CCER2: variants seen among roughly 807,000 people sequenced by gnomAD.
CCER2 encodes coiled-coil glutamate rich protein 2, also known as coiled-coil domain-containing glutamate-rich protein 2.
A neutral mutation model predicts 27.1 loss-of-function variants in CCER2; 20 were observed. The ratio of observed to expected loss-of-function variants is 0.74; its 90% CI spans 0.52 to 1.07. The LOEUF (loss-of-function observed/expected upper bound fraction) is 1.07, where lower values mean the gene tolerates loss of function less well. CCER2 is among the 50% of genes least tolerant of loss of function. The pLI is 0.00. For missense variants in CCER2, 351 were observed against 344.7 expected (o/e 1.02, Z -0.14); for synonymous variants, 140 against 144.3 (o/e 0.97, Z 0.21).
rs1272583735 is a variant in CCER2 at position 38,910,785 on chromosome 19, C to T, written c.489G>A (p.Gly163=). 1 of 1,534,960 alleles carries T rather than the reference C, an allele frequency of 6.5e-7. No individual in the cohort carries two copies. Among genetic ancestry groups the T allele is most frequent in the Non-Finnish European group, 8.7e-7 (1 of 1,146,372 alleles). ...TCTCTGCCACCCGCTTCTGGAGGTC[C>T]CCTCCATTCTCTAGATGCCGCTGCC... The part of the protein sequence containing the change: ...DLWQRHLENG[G]DLQKRVAEKA... The change falls in exon 4 of 5, where the codon GGG becomes GGA. Residue 163 remains glycine (G), a synonymous_variant. Transcript: ENST00000571838.
Position 38,910,694 on chromosome 19 carries a change from C to T in CCER2, c.580G>A (p.Asp194Asn). 1 of 1,533,300 alleles carries T rather than the reference C, an allele frequency of 6.5e-7. No homozygotes were observed. Among genetic ancestry groups the T allele is most frequent in the Non-Finnish European group, 8.7e-7 (1 of 1,145,520 alleles). The allele number at this position is 1,533,300 out of a possible 1,614,324, so 95.0% of individuals were successfully genotyped here. Residue 194 changes from aspartate (D) to asparagine (N), a missense_variant, in exon 4 of 5, where the codon GAC becomes AAC. Asp to Asn is a conservative substitution (Grantham distance 23, BLOSUM62 1). Coordinates refer to ENST00000571838, the MANE Select transcript of CCER2 (RefSeq NM_001243212.2). The stretch of plus-strand genomic sequence containing the variant: ...TCGGCCCCCTGCCACAGGCTGCGGT[C>T]CCCGCCCAGCACCCGCACCCCCTTC... ...EEKGVRVLGG[D>N]RSLWQGAERG...
At chr19:38,911,506 TG>T in intron 3 of CCER2, 59 bp downstream of exon 3, 2 of 1,382,154 alleles carry the variant, frequency 1.4e-6, no homozygotes, top group Non-Finnish European at 2.0e-6. Flanking sequence ...GGACCCTGGG[TG>T]GGGTAGGGTA....
chr19:38,909,460 G>GTCCA (rs1974259876), intron 4 of CCER2, 135 bp from the exon 5 acceptor site: 1 of 803,818 alleles, frequency 1.2e-6, no homozygotes, highest in Non-Finnish European at 2.0e-6. Flanking sequence ...GACCGCGATG[G>GTCCA]TGACCATGCT....
Position 38,910,933 on chromosome 19 carries a change from T to C in CCER2, c.341A>G (p.Lys114Arg), listed in dbSNP as rs777882427. 206 of 1,520,072 alleles carry C rather than the reference T, an allele frequency of 1.4e-4. No individual in the cohort carries two copies. Among genetic ancestry groups the C allele is most frequent in the Non-Finnish European group, 1.7e-4 (196 of 1,138,850 alleles). The allele number at this position is 1,520,072 out of a possible 1,614,324, so 94.2% of individuals were successfully genotyped here. A position where few individuals can be genotyped will look rare whatever the true frequency, so the allele number is the denominator to read the frequency against. Reference protein sequence around the residue: ...EEEEVAERTHKSEVQEQAIRM... With the variant: ...EEEEVAERTHRSEVQEQAIRM... ...GATGGCTTGTTCCTGGACCTCAGACTTGTGGGTCCTCTCTGCTACCTCCTC... is the reference window on the plus strand; with the variant it reads ...GATGGCTTGTTCCTGGACCTCAGACCTGTGGGTCCTCTCTGCTACCTCCTC... Residue 114 changes from lysine (K) to arginine (R), a missense_variant, in exon 4 of 5, where the codon AAG (lysine) becomes AGG (arginine). Transcript: ENST00000571838.
At position 38,910,601 on chromosome 19, in the gene CCER2, CA is replaced by C. The variant is rs1368198730; in HGVS notation, c.672del (p.Glu225SerfsTer23). ...GCCTCCTCCTTCTCCTGCCTGGGCT[CA>C]GCCTCTGGCTGGTGGTGGTGGTGGT... ...HHHHHHHQPE[A>X]EPRQEKEEAS... is the part of the protein sequence containing the mutation. On this transcript the variant is annotated frameshift_variant, in exon 4 of 5. Coordinates refer to ENST00000571838, the MANE Select transcript of CCER2 (RefSeq NM_001243212.2). LOFTEE classifies it low-confidence loss of function (END_TRUNC). 1 of 1,511,568 alleles carries C rather than the reference CA, an allele frequency of 6.6e-7. No individual in the cohort carries two copies. Among genetic ancestry groups the C allele is most frequent in the Non-Finnish European group, 8.8e-7 (1 of 1,133,120 alleles). The allele number at this position is 1,511,568 out of a possible 1,614,324, so 93.6% of individuals were successfully genotyped here. A position where few individuals can be genotyped will look rare whatever the true frequency, so the allele number is the denominator to read the frequency against.
chr19:38,909,386 C>A, intron 4 of CCER2, 61 bp from the exon 5 acceptor site: 12 of 1,462,514 alleles, frequency 8.2e-6, no homozygotes, highest in Non-Finnish European at 1.1e-5. Flanking sequence ...ACCTCGGTCA[C>A]TGTGATTGTG....
Position 38,910,769 on chromosome 19 carries a change from C to T in CCER2, c.505G>A (p.Val169Met). The T allele has an allele frequency of 6.5e-7, 1 of 1,535,032 alleles. No homozygotes were observed. The highest frequency in any genetic ancestry group is 1.2e-5 in the South Asian group (1 of 83,920). The change falls in exon 4 of 5, where the codon GTG (valine) becomes ATG (methionine). Residue 169 changes from valine to methionine, a missense_variant. Transcript: ENST00000571838. ...TCTTTGTCACTGGCCTTCTCTGCCA[C>T]CCGCTTCTGGAGGTCCCCTCCATTC... ...LENGGDLQKR[V>M]AEKASDKETA...
At chr19:38,911,129 CTG>C (rs1974300571) in intron 3 of CCER2, 46 bp from the exon 4 acceptor site, 1 of 1,395,648 alleles carries the variant, frequency 7.2e-7, no homozygotes, top group Non-Finnish European at 9.3e-7. Flanking sequence ...AATTGGGAAA[CTG>C]AGGCCGAGTA....
rs1216413576 is a variant in CCER2 at position 38,911,062 on chromosome 19, T to TG, written c.211dup (p.His71ProfsTer33). On this transcript the variant is annotated frameshift_variant, in exon 4 of 5. Coordinates refer to ENST00000571838, the MANE Select transcript of CCER2 (RefSeq NM_001243212.2). LOFTEE classifies it high-confidence loss of function. ...TTTCTCCTCGGTGGACGCACAGCCG[T>TG]GGGGCTCTGTCCCGCACAACTCTGG... 4 of 1,456,934 alleles carry TG rather than the reference T, an allele frequency of 2.7e-6. No homozygotes were observed. The highest frequency in any genetic ancestry group is 3.6e-6 in the Non-Finnish European group (4 of 1,111,370). The allele number at this position is 1,456,934 out of a possible 1,614,324, so 90.3% of individuals were successfully genotyped here.
At chr19:38,910,099 C>A (rs1974275145) in intron 4 of CCER2, among the ~76,000 whole-genome samples, 1 of 152,202 alleles carries the variant, frequency 6.6e-6, no homozygotes, top group Non-Finnish European at 1.5e-5. Flanking sequence ...TCTCAAACTC[C>A]TGGCCTCAAG....
Position 38,911,075 on chromosome 19 carries a change from C to T in CCER2, c.199G>A (p.Gly67Arg), listed in dbSNP as rs1357982429. The change falls in exon 4 of 5, where the codon GGG becomes AGG. Residue 67 changes from glycine to arginine, a missense_variant. Physicochemically the swap from Gly to Arg is moderately radical, Grantham distance 125. Transcript: ENST00000571838. ...CTALLHKELCGTEPHGCASTE... is the reference protein window; with the variant it reads ...CTALLHKELCRTEPHGCASTE... ...GACGCACAGCCGTGGGGCTCTGTCCCGCACAACTCTGGCAGAAAGGGAAAG... is the reference window on the plus strand; with the variant it reads ...GACGCACAGCCGTGGGGCTCTGTCCTGCACAACTCTGGCAGAAAGGGAAAG... 4.2e-6 allele frequency: 6 copies of T among 1,428,918 alleles called. No homozygotes were observed. The highest frequency in any genetic ancestry group is 1.4e-5 in the African/African-American group (1 of 69,684). The allele number at this position is 1,428,918 out of a possible 1,614,324, so 88.5% of individuals were successfully genotyped here. A position where few individuals can be genotyped will look rare whatever the true frequency, so the allele number is the denominator to read the frequency against.
chr19:38,911,863 A>C lies in CCER2; in HGVS notation c.62-11T>G. On this transcript the variant is annotated splice_polypyrimidine_tract_variant and intron_variant, in intron 1 of 4. Coordinates refer to ENST00000571838, the MANE Select transcript of CCER2 (RefSeq NM_001243212.2). ...AGGGAGCAGCGGTGGCTGTGGAGAA[A>C]GGAGATGGCACTGGGCTTTGCCGCC... 1.3e-6 allele frequency: 2 copies of C among 1,534,794 alleles called. No homozygotes were observed. The highest frequency in any genetic ancestry group is 1.7e-6 in the Non-Finnish European group (2 of 1,146,632).
intron 3 of CCER2, 37 bp from the exon 4 acceptor site, chr19:38,911,120 A>G (rs1974300416): frequency 1.4e-6 from 2 of 1,393,156 alleles, no homozygotes; most frequent in Non-Finnish European, 1.9e-6. Flanking sequence ...TAAGCATCCA[A>G]TTGGGAAACT....
In CCER2 at chr19:38,911,000, C is replaced by T; in HGVS notation, c.274G>A (p.Gly92Arg). 1 of 1,499,364 alleles carries T rather than the reference C, an allele frequency of 6.7e-7. No homozygotes were observed. The highest frequency in any genetic ancestry group is 1.3e-5 in the South Asian group (1 of 77,510). The allele number at this position is 1,499,364 out of a possible 1,614,324, so 92.9% of individuals were successfully genotyped here. A position where few individuals can be genotyped will look rare whatever the true frequency, so the allele number is the denominator to read the frequency against. ...ACCTCCTGGCTGGACCTCATCTTCC[C>T]AGCCTCCTGCTTCTTGAAATCCCCA... ...LLGDFKKQEAGKMRSSQEVRD... is the reference protein window; with the variant it reads ...LLGDFKKQEARKMRSSQEVRD... Residue 92 changes from glycine (G) to arginine (R), a missense_variant, in exon 4 of 5, where the codon GGG (glycine) becomes AGG (arginine). Physicochemically the swap from Gly to Arg is moderately radical, Grantham distance 125. Coordinates refer to ENST00000571838, the MANE Select transcript of CCER2 (RefSeq NM_001243212.2).
chr19:38,910,714 C>T lies in CCER2; in HGVS notation c.560G>A (p.Gly187Glu), dbSNP rs1022226660. 19 of 1,532,692 alleles carry T rather than the reference C, an allele frequency of 1.2e-5. No homozygotes were observed. The highest frequency in any genetic ancestry group is 1.7e-5 in the Non-Finnish European group (19 of 1,145,142). The allele number at this position is 1,532,692 out of a possible 1,614,324, so 94.9% of individuals were successfully genotyped here. The change falls in exon 4 of 5, where the codon GGG becomes GAG. Residue 187 changes from glycine to glutamate, a missense_variant. Physicochemically the swap from Gly to Glu is moderately conservative, Grantham distance 98. Coordinates refer to ENST00000571838, the MANE Select transcript of CCER2 (RefSeq NM_001243212.2). Reference protein sequence around the residue: ...ETAQFQAEEKGVRVLGGDRSL... With the variant: ...ETAQFQAEEKEVRVLGGDRSL... ...GCGGTCCCCGCCCAGCACCCGCACC[C>T]CCTTCTCCTCTGCCTGGAACTGGGC...
intron 4 of CCER2, 129 bp downstream of exon 4, chr19:38,910,434 C>T (rs1974280519): frequency 7.6e-7 from 1 of 1,320,612 alleles, no homozygotes; most frequent in South Asian, 1.8e-5. Context: ...GTCTTGGCCA[C>T]TGTGATCCAC....
Position 38,911,869 on chromosome 19 carries a change from T to TGGC in CCER2, c.62-20_62-18dup. 1.3e-6 allele frequency: 2 copies of TGGC among 1,534,446 alleles called. No homozygotes were observed. Among genetic ancestry groups the TGGC allele is most frequent in the Non-Finnish European group, 8.7e-7 (1 of 1,146,550 alleles). On this transcript the variant is annotated splice_polypyrimidine_tract_variant and intron_variant, in intron 1 of 4. Coordinates refer to ENST00000571838, the MANE Select transcript of CCER2 (RefSeq NM_001243212.2). Reference sequence around the variant, plus strand: ...CAGCGGTGGCTGTGGAGAAAGGAGATGGCACTGGGCTTTGCCGCCCTGGCT... The same window carrying TGGC: ...CAGCGGTGGCTGTGGAGAAAGGAGATGGCGGCACTGGGCTTTGCCGCCCTGGCT...
intron 3 of CCER2, among the ~76,000 whole-genome samples, 188 bp from the exon 4 acceptor site, chr19:38,911,271 C>G (rs1036973134): frequency 3.9e-5 from 6 of 152,248 alleles, no homozygotes; most frequent in African/African-American, 1.4e-4. Context: ...CACAGGGGGG[C>G]TGCCCAGACT....
chr19:38,910,321 G>A (rs1157311917), intron 4 of CCER2, among the ~76,000 whole-genome samples: 1 of 152,212 alleles, frequency 6.6e-6, no homozygotes, highest in Non-Finnish European at 1.5e-5. Flanking sequence ...ATGGTGGCTT[G>A]CTTCTGTGCA....
Sources: allele counts gnomAD v4.1 joint callset (sites outside exome capture counted in the v4.1 genomes callset), GRCh38; gene constraint gnomAD v4.1.1; transcripts MANE v1.5; gene names NCBI Gene and HGNC (gene_info 2026-07-23, HGNC 2026-07-21).